SMAD5: variants seen among roughly 807,000 people sequenced by gnomAD.
SMAD5 encodes the protein SMAD family member 5.
In SMAD5, 9 loss-of-function variants were observed where a neutral mutation model predicts 43.1. The ratio of observed to expected loss-of-function variants is 0.21; its 90% confidence interval spans 0.13 to 0.36. The LOEUF (loss-of-function observed/expected upper bound fraction) is 0.36, where lower values mean the gene tolerates loss of function less well. Ranked by LOEUF, SMAD5 falls within the 10% of genes least tolerant of loss-of-function variation. SMAD5 has a pLI of 1.00. For synonymous variants in SMAD5, 190 were observed against 192.4 expected, an observed-to-expected ratio of 0.99 and a Z score of 0.10; for missense variants, 348 against 574.0, an observed-to-expected ratio of 0.61 and a Z score of 4.02.
chr5:136,156,133 G>T (rs896244529), intron 3 of SMAD5, among the ~76,000 whole-genome samples: 1 of 152,286 alleles, frequency 6.6e-6, no homozygotes, highest in Non-Finnish European at 1.5e-5. Context: ...AAGCCCATGT[G>T]ATTGTTGACA....
rs372368347 is a variant in SMAD5, at chr5:136,163,416, A to G, written c.775+25A>G. On this transcript the variant is annotated intron_variant, in intron 5 of 7. Coordinates refer to ENST00000545279, the MANE Select transcript of SMAD5 (RefSeq NM_005903.7). ...GGTAAGAGAAGTACTCACTTCATTT[A>G]TTTTATAGTAGTAGTTGTTTTTAAC... The G allele has an allele frequency of 2.7e-5, 42 of 1,558,012 alleles. 1 individual carries two copies. In the African/African-American group the frequency reaches 3.8e-4, roughly 14 times the overall value.
chr5:136,135,597 C>A (rs141982519), intron 1 of SMAD5, among the ~76,000 whole-genome samples: 2,737 of 152,232 alleles, frequency 0.018, 34 homozygotes, highest in Non-Finnish European at 0.028. Flanking sequence ...CTAAAAAAAT[C>A]TATTTCATAT....
In SMAD5 at chr5:136,153,745, C is replaced by T. The variant is rs377461901; in HGVS notation, c.-16C>T. Reference sequence around the variant, plus strand: ...TGACTTTGAGTTACAGGAAGGTCTCCGAAGATTTGTGTCAAATGACGTCAA... The same window carrying T: ...TGACTTTGAGTTACAGGAAGGTCTCTGAAGATTTGTGTCAAATGACGTCAA... On this transcript the variant is annotated 5_prime_UTR_variant, in exon 3 of 8. Transcript: ENST00000545279. The T allele has an allele frequency of 4.4e-5, 70 of 1,585,962 alleles. No individual in the cohort carries two copies. In the Middle Eastern group the frequency reaches 5.0e-4, roughly 11 times the overall value.
At chr5:136,166,840 A>G (rs1754033028) in intron 5 of SMAD5, among the ~76,000 whole-genome samples, 1 of 152,168 alleles carries the variant, frequency 6.6e-6, no homozygotes, top group South Asian at 2.1e-4. Context: ...CAGAGATCAT[A>G]GTGCCATTTA....
chr5:136,135,691 G>A (rs1190716625), intron 1 of SMAD5, among the ~76,000 whole-genome samples: 2 of 152,168 alleles, frequency 1.3e-5, no homozygotes, highest in Non-Finnish European at 2.9e-5. Context: ...ACATATCAGT[G>A]TTTATTATTA....
Position 136,163,348 on chromosome 5 carries a change from CAAT to C in SMAD5, c.737_739del (p.Asn246del). The stretch of plus-strand genomic sequence containing the variant: ...ATAATTCCCAGCCTATGGATACAAG[CAAT>C]AATATGATTCCTCAGATTATGCCCA... On this transcript the variant is annotated inframe_deletion, in exon 5 of 8. Coordinates refer to ENST00000545279, the MANE Select transcript of SMAD5 (RefSeq NM_005903.7). 1.2e-6 allele frequency: 2 copies of C among 1,610,652 alleles called. No individual in the cohort carries two copies. The highest frequency in any genetic ancestry group is 1.7e-6 in the Non-Finnish European group (2 of 1,177,290).
At chr5:136,159,685 C>A (rs541624036) in intron 3 of SMAD5, among the ~76,000 whole-genome samples, 4 of 152,098 alleles carry the variant, frequency 2.6e-5, no homozygotes, top group African/African-American at 9.7e-5. Flanking sequence ...TCTTGTTCTG[C>A]GAGGGGAATA....
chr5:136,172,866 A>C, intron 6 of SMAD5: 2 of 548,166 alleles, frequency 3.6e-6, no homozygotes, highest in Non-Finnish European at 6.5e-6. Context: ...CCCAGTGCTA[A>C]GGATCTGAAA....
intron 1 of SMAD5, among the ~76,000 whole-genome samples, chr5:136,139,023 G>A (rs1313704846): frequency 6.6e-6 from 1 of 152,118 alleles, no homozygotes; most frequent in Non-Finnish European, 1.5e-5. Flanking sequence ...GTGGGGATTG[G>A]TTTGCTTGCC....
intron 1 of SMAD5, among the ~76,000 whole-genome samples, chr5:136,135,830 A>G (rs1409145535): frequency 6.6e-6 from 1 of 152,142 alleles, no homozygotes; most frequent in East Asian, 1.9e-4. Flanking sequence ...TTACTTCTAG[A>G]CGATCTATAT....
At chr5:136,154,226 G>A (rs910249914) in intron 3 of SMAD5, 63 bp downstream of exon 3, 4 of 975,740 alleles carry the variant, frequency 4.1e-6, no homozygotes, top group African/African-American at 3.4e-5. Flanking sequence ...TTCCTGATAT[G>A]CATGTAACTA....
chr5:136,146,759 T>C (rs1197297269), intron 1 of SMAD5, among the ~76,000 whole-genome samples: 1 of 151,794 alleles, frequency 6.6e-6, no homozygotes, highest in Non-Finnish European at 1.5e-5. Context: ...CATAAAGAAG[T>C]TTTAATCTCA....
chr5:136,172,389 T>C (rs1328306665), intron 5 of SMAD5, 45 bp from the exon 6 acceptor site: 3 of 1,145,150 alleles, frequency 2.6e-6, no homozygotes, highest in Non-Finnish European at 3.8e-6. Flanking sequence ...ACAATCTGAG[T>C]TTCTGATATG....
In SMAD5 at chr5:136,153,867, A is replaced by G. The variant is rs745877508; in HGVS notation, c.107A>G (p.Asp36Gly). The change falls in exon 3 of 8, where the codon GAT (aspartate) becomes GGT (glycine). Residue 36 changes from aspartate to glycine, a missense_variant. Transcript: ENST00000545279. Reference sequence around the variant, plus strand: ...GAGAAATGGGCAGAAAAGGCAGTTGATGCTTTGGTGAAGAAACTAAAAAAG... The same window carrying G: ...GAGAAATGGGCAGAAAAGGCAGTTGGTGCTTTGGTGAAGAAACTAAAAAAG... ...EEEKWAEKAVDALVKKLKKKK... is the reference protein window; with the variant it reads ...EEEKWAEKAVGALVKKLKKKK... The G allele has an allele frequency of 1.9e-6, 3 of 1,613,968 alleles. No individual in the cohort carries two copies. The highest frequency in any genetic ancestry group is 1.7e-5 in the Admixed American group (1 of 60,008).
intron 5 of SMAD5, among the ~76,000 whole-genome samples, chr5:136,163,628 T>C (rs1753900751): frequency 6.6e-6 from 1 of 152,204 alleles, no homozygotes; most frequent in African/African-American, 2.4e-5. Flanking sequence ...CTATCCTCAC[T>C]CCTATCCTCA....
chr5:136,163,371 T>C lies in SMAD5; in HGVS notation c.755T>C (p.Met252Thr), dbSNP rs1753891296. Residue 252 changes from methionine (M) to threonine (T), a missense_variant, in exon 5 of 8, where the codon ATG becomes ACG. Met to Thr is a moderately conservative substitution (Grantham distance 81, BLOSUM62 -1). This residue lies in a region of SMAD5 where 185 missense variants were observed against 207.0 expected (regional missense o/e 0.89). Transcript: ENST00000545279. ...AGCAATAATATGATTCCTCAGATTA[T>C]GCCCAGTATATCCAGCAGGGGTAAG... ...DTSNNMIPQI[M>T]PSISSRDVQP... The C allele has an allele frequency of 1.2e-6, 2 of 1,610,602 alleles. No individual in the cohort carries two copies. The highest frequency in any genetic ancestry group is 1.7e-5 in the Admixed American group (1 of 59,832).
At chr5:136,139,125 GCT>G (rs1491383544) in intron 1 of SMAD5, among the ~76,000 whole-genome samples, 5,696 of 120,508 alleles carry the variant, frequency 0.047, 301 homozygotes, top group African/African-American at 0.18. Flanking sequence ...CTAGCTGTGA[GCT>G]CTGTGTGTGT....
At chr5:136,153,405 C>G (rs1244093376) in intron 2 of SMAD5, among the ~76,000 whole-genome samples, 187 bp from the exon 3 acceptor site, 5 of 152,050 alleles carry the variant, frequency 3.3e-5, no homozygotes, top group Non-Finnish European at 1.5e-5. Context: ...CAGTGTCTTA[C>G]TTGTTCATAT....
At chr5:136,137,526 G>A (rs563951395) in intron 1 of SMAD5, among the ~76,000 whole-genome samples, 30 of 152,260 alleles carry the variant, frequency 2.0e-4, no homozygotes, top group African/African-American at 6.7e-4. Flanking sequence ...AATATGGCTG[G>A]TGCTTTCAAG....
Sources: gnomAD v4.1 joint callset for allele counts (sites outside exome capture counted in the v4.1 genomes callset) on GRCh38, gnomAD v4.1.1 for gene constraint, gnomAD v4.1.1 regional missense constraint, MANE v1.5 for transcripts, NCBI Gene and HGNC (gene_info 2026-07-23, HGNC 2026-07-21) for gene names.